The following TMEM135 variants were observed in gnomAD, a reference collection of about 807,000 sequenced individuals.
The protein encoded by TMEM135 is peroxisomal membrane protein 52.
In TMEM135, 30 loss-of-function variants were observed where a neutral mutation model predicts 60.3. That is an observed-to-expected ratio of 0.50 (90% confidence interval 0.37 to 0.68). The LOEUF is 0.68. TMEM135 is among the 30% of genes least tolerant of loss of function. The pLI is 0.00. For synonymous variants in TMEM135, 190 were observed against 186.7 expected, an observed-to-expected ratio of 1.02 and a Z score of -0.14; for missense variants, 468 against 548.8, an observed-to-expected ratio of 0.85 and a Z score of 1.47.
At position 87,072,024 on chromosome 11, in the gene TMEM135, GA is replaced by G. The variant is rs561975949; in HGVS notation, c.362+417del. On this transcript the variant is annotated intron_variant, in intron 3 of 14. Transcript: ENST00000305494. ...CAGCATTGGAAAACCCTGTCTCTACGAAAAAAAATACAAAGAATATTAGCTG... is the reference window on the plus strand; with the variant it reads ...CAGCATTGGAAAACCCTGTCTCTACGAAAAAAATACAAAGAATATTAGCTG... Among the ~76,000 whole-genome samples the G allele has an allele frequency of 2.1e-4, 32 of 151,410 alleles. No homozygotes were observed. The East Asian group carries it at 5.4e-3, about 26-fold the overall frequency.
chr11:87,306,501 G>C (rs965370652), intron 9 of TMEM135, among the ~76,000 whole-genome samples: 7 of 152,030 alleles, frequency 4.6e-5, no homozygotes, highest in African/African-American at 1.7e-4. Context: ...GATAACTGGA[G>C]CATGTCCACA....
chr11:87,317,343 CTG>C (rs1942750761), intron 12 of TMEM135, among the ~76,000 whole-genome samples: 1 of 151,998 alleles, frequency 6.6e-6, no homozygotes, highest in Non-Finnish European at 1.5e-5. Context: ...TTGCAATATA[CTG>C]TTACATATTT....
At chr11:87,179,063 A>G (rs939808407) in intron 5 of TMEM135, among the ~76,000 whole-genome samples, 10 of 152,166 alleles carry the variant, frequency 6.6e-5, no homozygotes, top group African/African-American at 2.2e-4. Context: ...CTATTTTATT[A>G]TAGCCATTCT....
At position 87,321,355 on chromosome 11, in the gene TMEM135, G is replaced by A. The variant is rs1565171620; in HGVS notation, c.*22G>A. ...CTGAAGATGACTGTAACTTATTAAT[G>A]TGACTAAATGTTTCATCTTGAAGAG... On this transcript the variant is annotated 3_prime_UTR_variant, in exon 15 of 15. Transcript: ENST00000305494. The A allele has an allele frequency of 6.2e-7, 1 of 1,612,814 alleles. No individual in the cohort carries two copies. The highest frequency in any genetic ancestry group is 1.7e-5 in the Admixed American group (1 of 59,922).
chr11:87,292,281 A>T (rs926289810), intron 6 of TMEM135, among the ~76,000 whole-genome samples: 1 of 152,142 alleles, frequency 6.6e-6, no homozygotes, highest in African/African-American at 2.4e-5. Context: ...TGTTATCACT[A>T]TATGACATAT....
At chr11:87,297,102 G>T (rs1269236537) in intron 7 of TMEM135, among the ~76,000 whole-genome samples, 2 of 152,148 alleles carry the variant, frequency 1.3e-5, no homozygotes, top group Non-Finnish European at 2.9e-5. Flanking sequence ...GAACCAGAAG[G>T]TGGAAAGACA....
At chr11:87,197,089 G>A (rs1222070172) in intron 5 of TMEM135, among the ~76,000 whole-genome samples, 6 of 151,946 alleles carry the variant, frequency 3.9e-5, no homozygotes, top group Non-Finnish European at 8.8e-5. Flanking sequence ...TAGACAAACA[G>A]CATTAAAATT....
rs1940532737 is a variant in TMEM135, at chr11:87,217,717, G to A, written c.463-18921G>A. On this transcript the variant is annotated intron_variant, in intron 5 of 14. Transcript: ENST00000305494. ...GGAGAATCGCTTGAACCAGGGAGGTGGAGGTTGCGTGAGTCGAGATCGTGC... is the reference window on the plus strand; with the variant it reads ...GGAGAATCGCTTGAACCAGGGAGGTAGAGGTTGCGTGAGTCGAGATCGTGC... Among the ~76,000 whole-genome samples, 2 of 152,070 alleles carry A rather than the reference G, an allele frequency of 1.3e-5. 1 individual carries two copies. The highest frequency in any genetic ancestry group is 1.3e-4 in the Admixed American group (2 of 15,266).
chr11:87,172,870 AAAT>A (rs1331093848), intron 5 of TMEM135, among the ~76,000 whole-genome samples: 2 of 151,930 alleles, frequency 1.3e-5, no homozygotes, highest in African/African-American at 4.8e-5. Context: ...TTAAATAATT[AAAT>A]AATATTTAAA....
intron 6 of TMEM135, among the ~76,000 whole-genome samples, chr11:87,266,614 G>A (rs1228766500): frequency 2.6e-5 from 4 of 152,122 alleles, no homozygotes; most frequent in Non-Finnish European, 5.9e-5. Context: ...ACTATCTAAT[G>A]TAATAGGAGG....
At chr11:87,317,097 ATATT>A (rs1942746255) in intron 12 of TMEM135, among the ~76,000 whole-genome samples, 1 of 152,052 alleles carries the variant, frequency 6.6e-6, no homozygotes, top group African/African-American at 2.4e-5. Flanking sequence ...TATTTAGTAT[ATATT>A]ATGTTCTCAT....
chr11:87,088,709 T>C (rs1401021391), intron 3 of TMEM135, among the ~76,000 whole-genome samples: 1 of 152,180 alleles, frequency 6.6e-6, no homozygotes, highest in Non-Finnish European at 1.5e-5. Context: ...TGTCACAATC[T>C]CCAAAGATAT....
intron 4 of TMEM135, among the ~76,000 whole-genome samples, chr11:87,104,571 G>A (rs898527441): frequency 2.0e-5 from 3 of 151,916 alleles, no homozygotes; most frequent in African/African-American, 7.3e-5. Context: ...CATGAACATG[G>A]GTGTTTTTCT....
chr11:87,116,432 A>G (rs1160572608), intron 4 of TMEM135, among the ~76,000 whole-genome samples: 2 of 152,172 alleles, frequency 1.3e-5, no homozygotes, highest in African/African-American at 2.4e-5. Context: ...AGCAGACACA[A>G]TTTATTTTGT....
Position 87,280,388 on chromosome 11 carries a change from T to C in TMEM135, c.510-15394T>C, listed in dbSNP as rs980547954. On this transcript the variant is annotated intron_variant, in intron 6 of 14. Transcript: ENST00000305494. ...GCTTTAGAAGTAAAGTTCAAATTCG[T>C]TTTTGGCATGGTGTGACATGTGCCA... 2.6e-5 allele frequency among the ~76,000 whole-genome samples: 4 copies of C among 152,176 alleles called. No individual in the cohort carries two copies. The East Asian group carries it at 7.7e-4, about 29-fold the overall frequency.
At chr11:87,173,316 T>C (rs1939287620) in intron 5 of TMEM135, among the ~76,000 whole-genome samples, 1 of 152,188 alleles carries the variant, frequency 6.6e-6, no homozygotes, top group Non-Finnish European at 1.5e-5. Flanking sequence ...AAGGCAAATG[T>C]GATGCGTGGC....
At chr11:87,082,627 T>G (rs1292054330) in intron 3 of TMEM135, among the ~76,000 whole-genome samples, 1 of 152,166 alleles carries the variant, frequency 6.6e-6, no homozygotes, top group Non-Finnish European at 1.5e-5. Context: ...TAGGTGGTCG[T>G]TGAAACTGTG....
chr11:87,236,396 G>T (rs1940996414), intron 5 of TMEM135, among the ~76,000 whole-genome samples: 1 of 151,936 alleles, frequency 6.6e-6, no homozygotes, highest in African/African-American at 2.4e-5. Flanking sequence ...AATGTTTAAA[G>T]AAAGTTTACA....
intron 4 of TMEM135, among the ~76,000 whole-genome samples, chr11:87,143,843 G>A (rs761942037): frequency 1.3e-5 from 2 of 152,126 alleles, no homozygotes; most frequent in Non-Finnish European, 2.9e-5. Flanking sequence ...TAAGGATATA[G>A]TTTTCTGCTG....
Sources: gnomAD v4.1 joint callset for allele counts (sites outside exome capture counted in the v4.1 genomes callset) on GRCh38, gnomAD v4.1.1 for gene constraint, MANE v1.5 for transcripts, NCBI Gene and HGNC (gene_info 2026-07-23, HGNC 2026-07-21) for gene names.